The following ATXN2 variants were observed in gnomAD, a reference collection of about 807,000 sequenced individuals.
The protein encoded by ATXN2 is ataxin-2.
Under a neutral mutation model 138.6 loss-of-function variants are expected in ATXN2, and 37 were observed. The observed-to-expected ratio is 0.27, with a 90% CI of 0.21 to 0.35. ATXN2 has a LOEUF of 0.35. Among genes scored for constraint, ATXN2 ranks in the 10% least tolerant of loss-of-function variants. ATXN2 has a pLI of 1.00. For missense variants in ATXN2, 1,216 were observed against 1,480.3 expected, an observed-to-expected ratio of 0.82 and a Z score of 2.93; for synonymous variants, 549 against 543.7, an observed-to-expected ratio of 1.01 and a Z score of -0.13.
At chr12:111,569,971 T>A (rs1389337504) in intron 1 of ATXN2, among the ~76,000 whole-genome samples, 1 of 152,170 alleles carries the variant, frequency 6.6e-6, no homozygotes, top group African/African-American at 2.4e-5. Context: ...ATTGCAGCCA[T>A]TAGGCACATG....
At chr12:111,582,231 C>A (rs762704520) in intron 1 of ATXN2, among the ~76,000 whole-genome samples, 1 of 152,032 alleles carries the variant, frequency 6.6e-6, no homozygotes, top group African/African-American at 2.4e-5. Context: ...ATCACTTGAG[C>A]TCAGGAGTTT....
chr12:111,549,663 T>C (rs1882016615), intron 5 of ATXN2, among the ~76,000 whole-genome samples: 1 of 152,238 alleles, frequency 6.6e-6, no homozygotes, highest in Non-Finnish European at 1.5e-5. Flanking sequence ...GCCTGGATAG[T>C]CTTAGCTTAA....
At chr12:111,477,965 CT>C (rs760866567) in intron 18 of ATXN2, among the ~76,000 whole-genome samples, 131 of 144,162 alleles carry the variant, frequency 9.1e-4, no homozygotes, top group Non-Finnish European at 8.1e-4. Flanking sequence ...TTTCTTTTTT[CT>C]TTTTTTTTTT....
At chr12:111,474,487 C>T (rs1293151261) in intron 18 of ATXN2, among the ~76,000 whole-genome samples, 1 of 152,008 alleles carries the variant, frequency 6.6e-6, no homozygotes, top group South Asian at 2.1e-4. Context: ...TGCCTGTAGT[C>T]ACAGTTACTT....
At chr12:111,485,073 G>T in intron 18 of ATXN2, 192 bp downstream of exon 18, 1 of 520,826 alleles carries the variant, frequency 1.9e-6, no homozygotes, top group East Asian at 2.8e-5. Flanking sequence ...CACAACTGAT[G>T]GGCATTTTTT....
chr12:111,599,387 C>T, upstream of ATXN2: 6 of 1,162,408 alleles, frequency 5.2e-6, no homozygotes, highest in Middle Eastern at 3.5e-4. Flanking sequence ...GGCCGCGCCA[C>T]CGCCGCCCCG....
intron 21 of ATXN2, among the ~76,000 whole-genome samples, chr12:111,462,236 C>G (rs1367891162): frequency 6.6e-6 from 1 of 152,038 alleles, no homozygotes; most frequent in Non-Finnish European, 1.5e-5. Flanking sequence ...CAGAAGTTTC[C>G]CACTCAGTGT....
intron 21 of ATXN2, 110 bp from the exon 22 acceptor site, chr12:111,457,469 G>A (rs1217335539): frequency 7.4e-6 from 9 of 1,212,750 alleles, no homozygotes; most frequent in Admixed American, 5.9e-5. Context: ...CATAACTCAC[G>A]CCACTACCAA....
intron 18 of ATXN2, among the ~76,000 whole-genome samples, chr12:111,478,515 C>A (rs1876987170): frequency 6.6e-6 from 1 of 152,138 alleles, no homozygotes; most frequent in East Asian, 1.9e-4. Flanking sequence ...GATCAGTCAT[C>A]ATCAGAGAAA....
intron 5 of ATXN2, among the ~76,000 whole-genome samples, chr12:111,534,192 G>C (rs1478583255): frequency 6.6e-6 from 1 of 152,074 alleles, no homozygotes. Flanking sequence ...CTGAGCTCAG[G>C]AGTTCGAAAC....
chr12:111,572,021 A>C (rs1452770655), intron 1 of ATXN2, among the ~76,000 whole-genome samples: 1 of 149,490 alleles, frequency 6.7e-6, no homozygotes, highest in Non-Finnish European at 1.5e-5. Context: ...CAAAAAAAAA[A>C]AAAAAGGGGC....
At chr12:111,575,313 T>A (rs1883576059) in intron 1 of ATXN2, among the ~76,000 whole-genome samples, 2 of 152,258 alleles carry the variant, frequency 1.3e-5, no homozygotes, top group South Asian at 4.1e-4. Context: ...AGCCTCGTAG[T>A]AGCTGCGACT....
chr12:111,479,485 G>A (rs193040723), intron 18 of ATXN2, among the ~76,000 whole-genome samples: 1 of 151,608 alleles, frequency 6.6e-6, no homozygotes, highest in Admixed American at 6.6e-5. Flanking sequence ...GGGAGGCTGA[G>A]GCAGTGGAAT....
intron 5 of ATXN2, among the ~76,000 whole-genome samples, chr12:111,535,376 G>GGC (rs1401218520): frequency 6.6e-6 from 1 of 152,142 alleles, no homozygotes; most frequent in Non-Finnish European, 1.5e-5. Context: ...TGTAATCCCA[G>GGC]CAATTTGGGA....
chr12:111,583,213 G>A lies in ATXN2; in HGVS notation c.251+15571C>T, dbSNP rs192716216. ...TCACAATGTTGCCCAGGTTGGTCTC[G>A]ATCTCCTGACCTCGTGATCCACCCG... On this transcript the variant is annotated intron_variant, in intron 1 of 24. Coordinates refer to ENST00000673436, the MANE Select transcript of ATXN2 (RefSeq NM_001372574.1). Among the ~76,000 whole-genome samples the A allele has an allele frequency of 5.4e-3, 810 of 148,674 alleles. 2 individuals carry two copies. Among genetic ancestry groups the A allele is most frequent in the Non-Finnish European group, 8.9e-3 (601 of 67,396 alleles).
At chr12:111,455,029 G>A in intron 23 of ATXN2, 1 of 702,970 alleles carries the variant, frequency 1.4e-6, no homozygotes, top group Non-Finnish European at 2.6e-6. Flanking sequence ...TCCCAGAGCT[G>A]TGGAACTCTA....
chr12:111,571,575 G>C (rs1287352309), intron 1 of ATXN2, among the ~76,000 whole-genome samples: 2 of 152,104 alleles, frequency 1.3e-5, no homozygotes, highest in African/African-American at 4.8e-5. Flanking sequence ...AGTGAGGAAG[G>C]AGACCATCTT....
At chr12:111,559,918 A>G (rs1882590200) in intron 1 of ATXN2, among the ~76,000 whole-genome samples, 1 of 152,202 alleles carries the variant, frequency 6.6e-6, no homozygotes, top group African/African-American at 2.4e-5. Flanking sequence ...GCAACAAGGT[A>G]TGAAAGAGTT....
intron 5 of ATXN2, among the ~76,000 whole-genome samples, chr12:111,551,324 C>T (rs187168514): frequency 1.8e-3 from 274 of 151,230 alleles, no homozygotes; most frequent in Non-Finnish European, 3.4e-3. Flanking sequence ...AATTTGAGAA[C>T]CAAGTTCAGG....
Sources: allele counts gnomAD v4.1 joint callset (sites outside exome capture counted in the v4.1 genomes callset), GRCh38; gene constraint gnomAD v4.1.1; transcripts MANE v1.5; gene names NCBI Gene and HGNC (gene_info 2026-07-23, HGNC 2026-07-21).